CDH4: variants seen among roughly 807,000 people sequenced by gnomAD.
The protein encoded by CDH4 is cadherin-4.
A neutral mutation model predicts 86.0 loss-of-function variants in CDH4; 33 were observed. That is an observed-to-expected ratio of 0.38 (90% CI 0.29 to 0.51). CDH4 has a LOEUF of 0.51. Among genes scored for constraint, CDH4 ranks in the 20% least tolerant of loss-of-function variants. The pLI is 0.86. For missense variants in CDH4, 1,114 were observed against 1,307.4 expected (o/e 0.85, Z 2.28); for synonymous variants, 555 against 549.4 (o/e 1.01, Z -0.14).
At chr20:61,714,810 C>G (rs1034016551) in intron 2 of CDH4, among the ~76,000 whole-genome samples, 16 of 152,152 alleles carry the variant, frequency 1.1e-4, no homozygotes, top group Admixed American at 9.8e-4. Flanking sequence ...TACTCATTGG[C>G]TGATGGGCAC....
At chr20:61,687,393 T>C (rs1422862706) in intron 2 of CDH4, among the ~76,000 whole-genome samples, 3 of 152,142 alleles carry the variant, frequency 2.0e-5, no homozygotes, top group African/African-American at 7.2e-5. Context: ...CCGGGAGGAA[T>C]GAAGGTGTGT....
At chr20:61,787,956 G>C (rs560410715) in intron 4 of CDH4, among the ~76,000 whole-genome samples, 32 of 152,344 alleles carry the variant, frequency 2.1e-4, no homozygotes, top group African/African-American at 7.5e-4. Context: ...TCACTCAGGG[G>C]CGTGTGGCCA....
intron 2 of CDH4, among the ~76,000 whole-genome samples, chr20:61,429,112 A>G (rs1892312): frequency 0.053 from 8,138 of 152,284 alleles, 278 homozygotes; most frequent in East Asian, 0.12. Flanking sequence ...CGGTAAGCTT[A>G]TATAATGACA....
chr20:61,864,210 G>A (rs2146133481), intron 6 of CDH4, among the ~76,000 whole-genome samples: 1 of 152,302 alleles, frequency 6.6e-6, no homozygotes, highest in South Asian at 2.1e-4. Context: ...AGCTGGAAGG[G>A]CCAGGGCAGG....
chr20:61,538,218 A>C (rs2086012432), intron 2 of CDH4, among the ~76,000 whole-genome samples: 1 of 151,858 alleles, frequency 6.6e-6, no homozygotes, highest in Non-Finnish European at 1.5e-5. Flanking sequence ...TTTCCTTTGA[A>C]CCTCTTCTGG....
intron 8 of CDH4, among the ~76,000 whole-genome samples, chr20:61,899,995 C>T (rs368507193): frequency 1.3e-5 from 2 of 152,194 alleles, no homozygotes; most frequent in South Asian, 2.1e-4. Context: ...TGGAAGTTCC[C>T]TCCCCAAGCC....
Position 61,895,048 on chromosome 20 carries a change from G to A in CDH4, c.1188+1G>A. 6.2e-7 allele frequency: 1 copy of A among 1,613,510 alleles called. No individual in the cohort carries two copies. Among genetic ancestry groups the A allele is most frequent in the Non-Finnish European group, 8.5e-7 (1 of 1,179,846 alleles). ...CCCGCCAGAATTTACCGCCAGCACG[G>A]TGAGTCCCTCGAAGCTGCCCAGTGA... is the stretch of plus-strand genomic sequence containing the variant. On this transcript the variant is annotated splice_donor_variant, in intron 8 of 15. Transcript: ENST00000614565. LOFTEE classifies it high-confidence loss of function.
chr20:61,598,930 G>A lies in CDH4; in HGVS notation c.170-144633G>A, dbSNP rs2086577090. ...CCTGGGCGTCTCTGCGGTCAGTGAG[G>A]GTCGCCTTTTTTATGAGCATCTTGA... On this transcript the variant is annotated intron_variant, in intron 2 of 15. Coordinates refer to ENST00000614565, the MANE Select transcript of CDH4 (RefSeq NM_001794.5). Among the ~76,000 whole-genome samples the A allele has an allele frequency of 1.3e-5, 2 of 152,218 alleles. 1 individual carries two copies. Among genetic ancestry groups the A allele is most frequent in the South Asian group, 4.1e-4 (2 of 4,830 alleles).
chr20:61,764,040 C>T lies in CDH4; in HGVS notation c.397-8963C>T, dbSNP rs549470154. On this transcript the variant is annotated intron_variant, in intron 3 of 15. Coordinates refer to ENST00000614565, the MANE Select transcript of CDH4 (RefSeq NM_001794.5). Reference sequence around the variant, plus strand: ...GGAAATGATCCGAGTTTTGCTGATACTGAGCTGTCCCTGGAGACCTCACCT... The same window carrying T: ...GGAAATGATCCGAGTTTTGCTGATATTGAGCTGTCCCTGGAGACCTCACCT... Among the ~76,000 whole-genome samples, 3 of 152,330 alleles carry T rather than the reference C, an allele frequency of 2.0e-5. No individual in the cohort carries two copies. In the South Asian group the frequency reaches 6.2e-4, roughly 32 times the overall value.
chr20:61,432,870 G>C (rs1390528201), intron 2 of CDH4, among the ~76,000 whole-genome samples: 1 of 108,192 alleles, frequency 9.2e-6, no homozygotes, highest in South Asian at 2.9e-4. Context: ...ACAGAGTCTT[G>C]CTCTGTTGCC....
intron 6 of CDH4, among the ~76,000 whole-genome samples, chr20:61,872,312 G>A (rs1983839556): frequency 6.6e-6 from 1 of 152,186 alleles, no homozygotes; most frequent in African/African-American, 2.4e-5. Flanking sequence ...GGATGCACAG[G>A]GCCCCATGAC....
At chr20:61,758,249 GA>G (rs2088589778) in intron 3 of CDH4, among the ~76,000 whole-genome samples, 1 of 152,120 alleles carries the variant, frequency 6.6e-6, no homozygotes, top group Non-Finnish European at 1.5e-5. Flanking sequence ...AGCCAGCCGT[GA>G]AAAAATTCCC....
intron 2 of CDH4, among the ~76,000 whole-genome samples, chr20:61,731,750 C>T (rs936056265): frequency 2.6e-5 from 4 of 152,166 alleles, no homozygotes; most frequent in Admixed American, 2.0e-4. Flanking sequence ...GTGAGTGGCT[C>T]GTGGGGTAGA....
intron 7 of CDH4, among the ~76,000 whole-genome samples, chr20:61,884,591 A>G (rs1294345022): frequency 1.3e-4 from 20 of 152,126 alleles, no homozygotes; most frequent in Admixed American, 1.2e-3. Flanking sequence ...GAGGGGCTCC[A>G]TGCTCAGCCC....
At chr20:61,817,607 C>T (rs1248539266) in intron 4 of CDH4, among the ~76,000 whole-genome samples, 2 of 152,138 alleles carry the variant, frequency 1.3e-5, no homozygotes, top group Non-Finnish European at 2.9e-5. Context: ...TTGTCACCTT[C>T]CCACGTGTGC....
chr20:61,486,889 T>TA (rs1376273765), intron 2 of CDH4, among the ~76,000 whole-genome samples: 1 of 152,084 alleles, frequency 6.6e-6, no homozygotes, highest in Non-Finnish European at 1.5e-5. Flanking sequence ...CCTCTGTCTC[T>TA]AAAAAATAAT....
intron 5 of CDH4, among the ~76,000 whole-genome samples, chr20:61,849,920 G>A (rs1982637209): frequency 6.6e-6 from 1 of 152,134 alleles, no homozygotes; most frequent in African/African-American, 2.4e-5. Context: ...CATCCTTGGG[G>A]CCATCTTAGA....
intron 13 of CDH4, among the ~76,000 whole-genome samples, chr20:61,931,391 G>T (rs975700101): frequency 6.6e-6 from 1 of 152,192 alleles, no homozygotes; most frequent in African/African-American, 2.4e-5. Flanking sequence ...GGGCGATGCC[G>T]CCAATACCCA....
At chr20:61,404,186 C>A (rs1351846201) in intron 2 of CDH4, among the ~76,000 whole-genome samples, 2 of 152,026 alleles carry the variant, frequency 1.3e-5, no homozygotes, top group East Asian at 3.9e-4. Context: ...AGGACTCCCA[C>A]CACCACCTGT....
Sources: gnomAD v4.1 joint callset for allele counts (sites outside exome capture counted in the v4.1 genomes callset) on GRCh38, gnomAD v4.1.1 for gene constraint, MANE v1.5 for transcripts, NCBI Gene and HGNC (gene_info 2026-07-23, HGNC 2026-07-21) for gene names.